Variants in HLCS observed in about 807,000 individuals in gnomAD.
HLCS encodes biotin--protein ligase.
A neutral mutation model predicts 75.0 loss-of-function variants in HLCS; 53 were observed. The ratio of observed to expected loss-of-function variants is 0.71; its 90% CI spans 0.57 to 0.89. HLCS has a LOEUF of 0.89. Ranked by LOEUF, HLCS falls within the 40% of genes least tolerant of loss-of-function variation. HLCS has a pLI of 0.00. For missense variants in HLCS, 966 were observed against 1,074.0 expected, an observed-to-expected ratio of 0.90 and a Z score of 1.41; for synonymous variants, 431 against 428.6, an observed-to-expected ratio of 1.01 and a Z score of -0.07.
intron 5 of HLCS, among the ~76,000 whole-genome samples, chr21:36,927,872 C>T (rs1234495977): frequency 6.6e-6 from 1 of 152,196 alleles, no homozygotes; most frequent in Non-Finnish European, 1.5e-5. Flanking sequence ...AAGCAGAAAG[C>T]CAGCCCAGGC....
At chr21:36,857,568 T>C (rs1428551093) in intron 6 of HLCS, among the ~76,000 whole-genome samples, 2 of 152,138 alleles carry the variant, frequency 1.3e-5, no homozygotes, top group East Asian at 1.9e-4. Context: ...GTCATGCCAA[T>C]GTCCTCACAT....
At position 36,906,136 on chromosome 21, in the gene HLCS, A is replaced by G. The variant is rs180876074; in HGVS notation, c.1621-9005T>C. Among the ~76,000 whole-genome samples, 49 of 152,126 alleles carry G rather than the reference A, an allele frequency of 3.2e-4. No individual in the cohort carries two copies. In the East Asian group the frequency reaches 9.3e-3, roughly 29 times the overall value. ...GGAGCCTGAACTTCTTTAAAATATCATTTTAATGGCATCAATAGATCTGAA... is the reference window on the plus strand; with the variant it reads ...GGAGCCTGAACTTCTTTAAAATATCGTTTTAATGGCATCAATAGATCTGAA... On this transcript the variant is annotated intron_variant, in intron 5 of 10. Coordinates refer to ENST00000674895, the MANE Select transcript of HLCS (RefSeq NM_001352514.2).
chr21:36,778,089 C>T (rs1163373750), intron 6 of HLCS, among the ~76,000 whole-genome samples: 3 of 152,124 alleles, frequency 2.0e-5, no homozygotes, highest in Non-Finnish European at 4.4e-5. Context: ...CTGCCTCAGC[C>T]TCCCAAGTAG....
At position 36,857,606 on chromosome 21, in the gene HLCS, A is replaced by G. The variant is rs867564501; in HGVS notation, c.1892+39254T>C. Among the ~76,000 whole-genome samples the G allele has an allele frequency of 2.6e-5, 4 of 151,288 alleles. No homozygotes were observed. The South Asian group carries it at 8.4e-4, about 32-fold the overall frequency. On this transcript the variant is annotated intron_variant, in intron 6 of 10. Coordinates refer to ENST00000674895, the MANE Select transcript of HLCS (RefSeq NM_001352514.2). ...ATCCTCCTTTGTTCACCCACCCCAA[A>G]CCTCCAGGGCCCTCGCTGGGGCTCC... is the stretch of plus-strand genomic sequence containing the variant.
Position 36,905,626 on chromosome 21 carries a change from C to G in HLCS, c.1621-8495G>C, listed in dbSNP as rs550880476. 6.6e-5 allele frequency among the ~76,000 whole-genome samples: 10 copies of G among 152,018 alleles called. No homozygotes were observed. In the South Asian group the frequency reaches 2.1e-3, roughly 32 times the overall value. On this transcript the variant is annotated intron_variant, in intron 5 of 10. Coordinates refer to ENST00000674895, the MANE Select transcript of HLCS (RefSeq NM_001352514.2). ...TAAATCAGCCACAGCACCAGTCATT[C>G]TCAAGAAAGGTGAATATATTCTTTG...
intron 6 of HLCS, among the ~76,000 whole-genome samples, chr21:36,794,042 G>A (rs1046792331): frequency 3.9e-5 from 6 of 152,218 alleles, no homozygotes; most frequent in Admixed American, 3.3e-4. Context: ...GACGAGCTAC[G>A]GGTGTGACTG....
intron 2 of HLCS, among the ~76,000 whole-genome samples, chr21:36,940,803 C>T (rs1325870853): frequency 1.3e-5 from 2 of 152,210 alleles, no homozygotes; most frequent in Admixed American, 6.5e-5. Context: ...AATTTCATCT[C>T]GAACTGTAAT....
chr21:36,844,588 A>C (rs1157211642), intron 6 of HLCS, among the ~76,000 whole-genome samples: 5 of 152,158 alleles, frequency 3.3e-5, no homozygotes, highest in Admixed American at 2.0e-4. Context: ...AAAAGCTTTC[A>C]CTATTTTCAG....
intron 6 of HLCS, among the ~76,000 whole-genome samples, chr21:36,819,828 T>C (rs2061772665): frequency 6.6e-6 from 1 of 152,086 alleles, no homozygotes; most frequent in Admixed American, 6.5e-5. Flanking sequence ...GGGGAAAACA[T>C]AATACCATGT....
At chr21:36,896,087 C>T (rs1042449694) in intron 6 of HLCS, among the ~76,000 whole-genome samples, 2 of 152,222 alleles carry the variant, frequency 1.3e-5, no homozygotes, top group African/African-American at 4.8e-5. Context: ...GGGTGGCTCA[C>T]GCCTAAAATC....
intron 6 of HLCS, among the ~76,000 whole-genome samples, chr21:36,779,693 A>G (rs1230848286): frequency 1.6e-5 from 2 of 124,614 alleles, no homozygotes; most frequent in Non-Finnish European, 1.7e-5. Context: ...TGTATTGAAC[A>G]TTTCCTTGGA....
At chr21:36,795,189 G>A (rs1160477859) in intron 6 of HLCS, among the ~76,000 whole-genome samples, 1 of 152,166 alleles carries the variant, frequency 6.6e-6, no homozygotes, top group African/African-American at 2.4e-5. Flanking sequence ...CATATCCCTG[G>A]TTTCTTTTTA....
chr21:36,908,733 A>G (rs2065569390), intron 5 of HLCS, among the ~76,000 whole-genome samples: 1 of 152,224 alleles, frequency 6.6e-6, no homozygotes, highest in South Asian at 2.1e-4. Flanking sequence ...AATAAGGACA[A>G]GTCTCAAAAA....
chr21:36,847,099 C>A (rs2062825210), intron 6 of HLCS, among the ~76,000 whole-genome samples: 1 of 152,174 alleles, frequency 6.6e-6, no homozygotes, highest in African/African-American at 2.4e-5. Context: ...CCACCACAGC[C>A]ACAATATAAA....
At chr21:36,964,193 C>G (rs2068451739) in intron 1 of HLCS, among the ~76,000 whole-genome samples, 1 of 152,224 alleles carries the variant, frequency 6.6e-6, no homozygotes, top group South Asian at 2.1e-4. Flanking sequence ...CCACTGCACT[C>G]CAGCCTGGGT....
rs116750349 is a variant in HLCS, at chr21:36,911,292, C to G, written c.1621-14161G>C. On this transcript the variant is annotated intron_variant, in intron 5 of 10. Transcript: ENST00000674895. ...CCTGGCCTCTGGGTTAGAGACCACT[C>G]GTCTCAGCCCCAGCAGCAAGCCTGG... Among the ~76,000 whole-genome samples the G allele has an allele frequency of 7.0e-3, 1,058 of 152,230 alleles. 14 individuals carry two copies. The highest frequency in any genetic ancestry group is 0.025 in the African/African-American group (1,030 of 41,556).
chr21:36,925,852 C>T (rs181164198), intron 5 of HLCS, among the ~76,000 whole-genome samples: 192 of 152,284 alleles, frequency 1.3e-3, no homozygotes, highest in Non-Finnish European at 1.9e-3. Context: ...TACATTTTCT[C>T]TAGAACATCA....
At position 36,750,721 on chromosome 21, in the gene HLCS, T is replaced by C. The variant is rs1346634519; in HGVS notation, c.*3525A>G. Reference sequence around the variant, plus strand: ...ATAAAATTACAGTAGCTTGGAATTTTAGTGAATCATGGCCCTTGTGTTATC... The same window carrying C: ...ATAAAATTACAGTAGCTTGGAATTTCAGTGAATCATGGCCCTTGTGTTATC... On this transcript the variant is annotated 3_prime_UTR_variant, in exon 11 of 11. Transcript: ENST00000674895. 6.6e-6 allele frequency among the ~76,000 whole-genome samples: 1 copy of C among 151,354 alleles called. No individual in the cohort carries two copies. The highest frequency in any genetic ancestry group is 1.5e-5 in the Non-Finnish European group (1 of 67,940).
chr21:36,918,421 T>C (rs1158521153), intron 5 of HLCS, among the ~76,000 whole-genome samples: 1 of 152,178 alleles, frequency 6.6e-6, no homozygotes, highest in African/African-American at 2.4e-5. Flanking sequence ...CGCCATCAGC[T>C]TCAAGCCAAC....
Sources: gnomAD v4.1 joint callset for allele counts (sites outside exome capture counted in the v4.1 genomes callset) on GRCh38, gnomAD v4.1.1 for gene constraint, MANE v1.5 for transcripts, NCBI Gene and HGNC (gene_info 2026-07-23, HGNC 2026-07-21) for gene names.